DYNLRB1: variants seen among roughly 807,000 people sequenced by gnomAD.
The protein encoded by DYNLRB1 is ROBL/LC7-like 1.
In DYNLRB1, 6 loss-of-function variants were observed where a neutral mutation model predicts 13.5. That is an observed-to-expected ratio of 0.44 (90% confidence interval 0.24 to 0.88). The LOEUF (loss-of-function observed/expected upper bound fraction) is 0.88, where lower values mean the gene tolerates loss of function less well. Ranked by LOEUF, DYNLRB1 falls within the 40% of genes least tolerant of loss-of-function variation. The pLI, the probability that DYNLRB1 is intolerant of heterozygous loss-of-function variation, is 0.21. For synonymous variants in DYNLRB1, 43 were observed against 45.0 expected (o/e 0.96, Z 0.18); for missense variants, 93 against 127.2 (o/e 0.73, Z 1.29).
intron 1 of DYNLRB1, among the ~76,000 whole-genome samples, chr20:34,523,623 A>G (rs933701188): frequency 8.6e-5 from 13 of 151,796 alleles, no homozygotes; most frequent in Admixed American, 8.5e-4. Context: ...TCTACTCACT[A>G]TTGCCTTGGT....
intron 2 of DYNLRB1, among the ~76,000 whole-genome samples, chr20:34,527,682 A>C (rs1257975241): frequency 6.6e-6 from 1 of 152,252 alleles, no homozygotes; most frequent in Non-Finnish European, 1.5e-5. Context: ...GTGTTTACGA[A>C]GCACCCCAGG....
At chr20:34,530,449 C>T in intron 2 of DYNLRB1, 1 of 241,824 alleles carries the variant, frequency 4.1e-6, no homozygotes, top group Non-Finnish European at 6.7e-6. Context: ...TAGAATAGTG[C>T]CTGGCATGAA....
chr20:34,517,355 C>A (rs1979323925), intron 1 of DYNLRB1, among the ~76,000 whole-genome samples: 1 of 152,096 alleles, frequency 6.6e-6, no homozygotes, highest in Non-Finnish European at 1.5e-5. Flanking sequence ...TACAGTTTAG[C>A]CCCTATTGAA....
chr20:34,525,576 A>C (rs1980126807), intron 1 of DYNLRB1, among the ~76,000 whole-genome samples: 1 of 152,116 alleles, frequency 6.6e-6, no homozygotes, highest in Admixed American at 6.5e-5. Flanking sequence ...TGGGATAAAA[A>C]GATGTAGAGA....
intron 1 of DYNLRB1, among the ~76,000 whole-genome samples, chr20:34,523,507 A>G (rs1979927865): frequency 6.6e-6 from 1 of 151,930 alleles, no homozygotes; most frequent in Admixed American, 6.5e-5. Flanking sequence ...TTCCCCCTGA[A>G]CATACCGGAT....
intron 3 of DYNLRB1, among the ~76,000 whole-genome samples, chr20:34,539,753 C>T (rs1313928553): frequency 1.3e-5 from 2 of 152,228 alleles, no homozygotes; most frequent in East Asian, 3.9e-4. Context: ...GTGATCTGCC[C>T]ACCTTGGCCT....
intron 3 of DYNLRB1, among the ~76,000 whole-genome samples, chr20:34,537,491 A>G (rs1263519326): frequency 1.3e-5 from 2 of 152,282 alleles, no homozygotes; most frequent in South Asian, 2.1e-4. Context: ...CCCCACTGAT[A>G]TGGGTCAGAA....
rs763159917 is a variant in DYNLRB1 at position 34,516,790 on chromosome 20, A to G, written c.3+329A>G. On this transcript the variant is annotated intron_variant, in intron 1 of 3. Transcript: ENST00000357156. ...TTGGTGCGCGATGGCAACCCTGGCA[A>G]CGTTTCCCGGGAGCTCAGTTTGTGG... 2.8e-5 allele frequency: 43 copies of G among 1,549,980 alleles called. No homozygotes were observed. In the South Asian group the frequency reaches 3.2e-4, roughly 12 times the overall value.
chr20:34,522,608 G>A (rs2146620415), intron 1 of DYNLRB1, among the ~76,000 whole-genome samples: 1 of 151,174 alleles, frequency 6.6e-6, no homozygotes, highest in East Asian at 1.9e-4. Context: ...AACTAGCTGG[G>A]ACTGCAGGCA....
chr20:34,534,601 C>G, intron 2 of DYNLRB1, 27 bp from the exon 3 acceptor site: 1 of 1,530,094 alleles, frequency 6.5e-7, no homozygotes, highest in East Asian at 2.3e-5. Context: ...TCCACATCCT[C>G]TCAGTCTCCG....
At chr20:34,517,322 C>G (rs1251826048) in intron 1 of DYNLRB1, among the ~76,000 whole-genome samples, 1 of 152,084 alleles carries the variant, frequency 6.6e-6, no homozygotes, top group Non-Finnish European at 1.5e-5. Context: ...GACTTCTAGT[C>G]TTTTTTGCTT....
chr20:34,526,396 A>C, intron 2 of DYNLRB1, 53 bp downstream of exon 2: 1 of 1,579,462 alleles, frequency 6.3e-7, no homozygotes. Flanking sequence ...AGAAGCAGCC[A>C]TAACACAGCA....
At chr20:34,525,188 C>G (rs956625599) in intron 1 of DYNLRB1, among the ~76,000 whole-genome samples, 4 of 152,078 alleles carry the variant, frequency 2.6e-5, no homozygotes, top group Admixed American at 6.5e-5. Context: ...GATCCCCCCC[C>G]CCATTTCTTT....
intron 2 of DYNLRB1, chr20:34,530,822 CTCTT>C (rs1980657988): frequency 6.6e-6 from 1 of 152,250 alleles, no homozygotes; most frequent in African/African-American, 2.4e-5. Context: ...GCTCAGCTGC[CTCTT>C]TCTTGAGGAC....
rs1382053882 is a variant in DYNLRB1 at position 34,526,350 on chromosome 20, C to T, written c.79+7C>T. ...ATCGTCGTGAACACAGAAGGTACGC[C>T]CTCCCTCCCGCCATGACCCGCACCC... On this transcript the variant is annotated splice_region_variant and intron_variant, in intron 2 of 3. Coordinates refer to ENST00000357156, the MANE Select transcript of DYNLRB1 (RefSeq NM_014183.4). 6.2e-7 allele frequency: 1 copy of T among 1,613,484 alleles called. No individual in the cohort carries two copies. The highest frequency in any genetic ancestry group is 8.5e-7 in the Non-Finnish European group (1 of 1,179,824).
At chr20:34,520,522 CT>C (rs1479408236) in intron 1 of DYNLRB1, among the ~76,000 whole-genome samples, 1 of 152,230 alleles carries the variant, frequency 6.6e-6, no homozygotes, top group African/African-American at 2.4e-5. Flanking sequence ...TCTCAGCTCA[CT>C]GCAACCTCTG....
intron 1 of DYNLRB1, among the ~76,000 whole-genome samples, chr20:34,524,659 G>T (rs369101157): frequency 6.6e-6 from 1 of 151,794 alleles, no homozygotes; most frequent in South Asian, 2.1e-4. Context: ...GTACTCTCAC[G>T]TCCACAGAGC....
At chr20:34,528,269 G>A (rs1980396056) in intron 2 of DYNLRB1, among the ~76,000 whole-genome samples, 1 of 87,314 alleles carries the variant, frequency 1.1e-5, no homozygotes, top group Non-Finnish European at 2.1e-5. Flanking sequence ...CCGAGATCCC[G>A]CCACTGCACT....
rs1402420830 is a variant in DYNLRB1, at chr20:34,534,796, G to A, written c.247+1G>A. The stretch of plus-strand genomic sequence containing the variant: ...AAAAATGAAATTATGGTTGCACCAG[G>A]TAAGGGGTCTTCTACCTCCCCATGT... On this transcript the variant is annotated splice_donor_variant, in intron 3 of 3. Transcript: ENST00000357156. LOFTEE classifies it high-confidence loss of function. The A allele has an allele frequency of 6.2e-7, 1 of 1,614,032 alleles. No individual in the cohort carries two copies. The highest frequency in any genetic ancestry group is 2.2e-5 in the East Asian group (1 of 44,886).
Sources: gnomAD v4.1 joint callset for allele counts (sites outside exome capture counted in the v4.1 genomes callset) on GRCh38, gnomAD v4.1.1 for gene constraint, MANE v1.5 for transcripts, NCBI Gene and HGNC (gene_info 2026-07-23, HGNC 2026-07-21) for gene names.